Variants in ANPEP observed in about 807,000 individuals in gnomAD.
ANPEP encodes aminopeptidase N.
Under a neutral mutation model 114.6 loss-of-function variants are expected in ANPEP, and 70 were observed. The ratio of observed to expected loss-of-function variants is 0.61; its 90% CI spans 0.50 to 0.75. The LOEUF (loss-of-function observed/expected upper bound fraction) is 0.75. Ranked by LOEUF, ANPEP falls within the 30% of genes least tolerant of loss-of-function variation. The probability of loss-of-function intolerance (pLI) is 0.00; values close to 1 mark genes in which losing one functional copy is unlikely to be tolerated. For missense variants in ANPEP, 1,184 were observed against 1,259.5 expected, an observed-to-expected ratio of 0.94 and a Z score of 0.91; for synonymous variants, 548 against 522.3, an observed-to-expected ratio of 1.05 and a Z score of -0.67.
At chr15:89,813,288 T>C (rs1173529485) in intron 1 of ANPEP, among the ~76,000 whole-genome samples, 1 of 152,192 alleles carries the variant, frequency 6.6e-6, no homozygotes, top group Non-Finnish European at 1.5e-5. Flanking sequence ...CCCCCATCTA[T>C]GTCCTCAGAA....
Position 89,785,111 on chromosome 15 carries a change from C to A in ANPEP, c.*238G>T. ...GCCCCAGGGCACTGGGCGACAGGTG[C>A]CATGCCAGGCCTAGGGCGGGGTTGG... On this transcript the variant is annotated 3_prime_UTR_variant, in exon 21 of 21. Coordinates refer to ENST00000300060, the MANE Select transcript of ANPEP (RefSeq NM_001150.3). 2.0e-6 allele frequency: 1 copy of A among 509,054 alleles called. No homozygotes were observed. Among genetic ancestry groups the A allele is most frequent in the South Asian group, 2.3e-5 (1 of 42,780 alleles). 31.5% of individuals were successfully genotyped at this position (509,054 alleles called of 1,614,324 possible). A position where few individuals can be genotyped will look rare whatever the true frequency, so the allele number is the denominator to read the frequency against.
rs267604377 is a variant in ANPEP at position 89,803,930 on chromosome 15, C to T, written c.1252G>A (p.Glu418Lys). 6.2e-7 allele frequency: 1 copy of T among 1,614,176 alleles called. No individual in the cohort carries two copies. The highest frequency in any genetic ancestry group is 1.7e-5 in the Admixed American group (1 of 60,032). The part of the protein sequence containing the change: ...WLNEGFASYV[E>K]YLGADYAEPT... ...TCCGCATAGTCAGCACCCAGGTACT[C>T]CACGTAGGAGGCGAAGCCCTCGTTC... is the stretch of plus-strand genomic sequence containing the variant. The change falls in exon 7 of 21, where the codon GAG (glutamate) becomes AAG (lysine). Residue 418 changes from glutamate (E) to lysine (K), a missense_variant. Glu to Lys is a moderately conservative substitution (Grantham distance 56, BLOSUM62 1). Transcript: ENST00000300060. This position sits in a 1 kb window ranked among gnomAD's most constrained non-coding sequence, Gnocchi z 4.2.
At position 89,801,832 on chromosome 15, in the gene ANPEP, C is replaced by T. The variant is rs548139502; in HGVS notation, c.1570-225G>A. On this transcript the variant is annotated intron_variant, in intron 10 of 20. Transcript: ENST00000300060. Reference sequence around the variant, plus strand: ...AGAACTTCCCAGCAAATCTATGAGGCCCTCCATTCTGTGGTCCACCCTGAG... The same window carrying T: ...AGAACTTCCCAGCAAATCTATGAGGTCCTCCATTCTGTGGTCCACCCTGAG... 1.3e-3 allele frequency among the ~76,000 whole-genome samples: 203 copies of T among 152,316 alleles called. 1 individual carries two copies. Among genetic ancestry groups the T allele is most frequent in the African/African-American group, 4.7e-3 (197 of 41,560 alleles).
chr15:89,791,446 CT>C (rs1968623380), intron 18 of ANPEP, among the ~76,000 whole-genome samples: 1 of 151,884 alleles, frequency 6.6e-6, no homozygotes, highest in South Asian at 2.1e-4. Flanking sequence ...TTTCTCTTTT[CT>C]TTTCTTTCGA....
chr15:89,807,716 G>T (rs536449982), intron 1 of ANPEP, among the ~76,000 whole-genome samples: 1 of 151,990 alleles, frequency 6.6e-6, no homozygotes, highest in East Asian at 1.9e-4. Context: ...GAAAAAAATC[G>T]TTCCCTTCTT....
chr15:89,785,430 C>T lies in ANPEP; in HGVS notation c.2823G>A (p.Leu941=), dbSNP rs1567152256. 5 of 1,614,184 alleles carry T rather than the reference C, an allele frequency of 3.1e-6. No individual in the cohort carries two copies. Among genetic ancestry groups the T allele is most frequent in the Non-Finnish European group, 4.2e-6 (5 of 1,180,006 alleles). Reference sequence around the variant, plus strand: ...ACTTGATGTTGGCTTTCGTCTTCTCCAGGGCTTGCTCCAGGGCCCGGGTGC... The same window carrying T: ...ACTTGATGTTGGCTTTCGTCTTCTCTAGGGCTTGCTCCAGGGCCCGGGTGC... ...GSGTRALEQA[L]EKTKANIKWV... The change falls in exon 21 of 21, where the codon CTG becomes CTA. Residue 941 remains leucine, a synonymous_variant. Transcript: ENST00000300060.
chr15:89,802,005 G>C (rs1249668816), intron 10 of ANPEP, among the ~76,000 whole-genome samples: 1 of 152,080 alleles, frequency 6.6e-6, no homozygotes, highest in East Asian at 1.9e-4. Context: ...CCTGGGGGTC[G>C]CATGAGGGAA....
intron 1 of ANPEP, among the ~76,000 whole-genome samples, chr15:89,812,711 GATA>G (rs1344653018): frequency 6.6e-6 from 1 of 151,912 alleles, no homozygotes; most frequent in Non-Finnish European, 1.5e-5. Flanking sequence ...GCCCTACCAG[GATA>G]ATCACCCCCA....
In ANPEP at chr15:89,799,298, A is replaced by T; in HGVS notation, c.1971T>A (p.Asn657Lys). The T allele has an allele frequency of 6.2e-7, 1 of 1,614,156 alleles. No individual in the cohort carries two copies. The highest frequency in any genetic ancestry group is 8.5e-7 in the Non-Finnish European group (1 of 1,180,034). Reference sequence around the variant, plus strand: ...AGGCGTCATTAATGATCTGTGCCCGATTGATGACAGGGATGGCCTAGAATG... The same window carrying T: ...AGGCGTCATTAATGATCTGTGCCCGTTTGATGACAGGGATGGCCTAGAATG... ...QRDHSAIPVI[N>K]RAQIINDAFN... is the part of the protein sequence containing the mutation. Residue 657 changes from asparagine (N) to lysine (K), a missense_variant, in exon 14 of 21, where the codon AAT (asparagine) becomes AAA (lysine). Asn to Lys is a moderately conservative substitution (Grantham distance 94). Coordinates refer to ENST00000300060, the MANE Select transcript of ANPEP (RefSeq NM_001150.3). This position sits in a 1 kb window ranked among gnomAD's most constrained non-coding sequence, Gnocchi z 4.2.
chr15:89,785,848 G>A (rs1968498072), intron 20 of ANPEP, among the ~76,000 whole-genome samples: 1 of 152,054 alleles, frequency 6.6e-6, no homozygotes, highest in South Asian at 2.1e-4. Context: ...TGATCCAGTT[G>A]CTTCAGTAAA....
In ANPEP at chr15:89,792,148, G is replaced by C. The variant is rs8179197; in HGVS notation, c.2528+12C>G. 0.31 allele frequency: 502,884 copies of C among 1,610,704 alleles called. 79,937 individuals carry two copies. The highest frequency in any genetic ancestry group is 0.36 in the African/African-American group (26,720 of 74,930). On this transcript the variant is annotated intron_variant, in intron 18 of 20. Transcript: ENST00000300060. ...GAGGGCTCTCGCAGTCCCACCCTGC[G>C]CCAAGACTCACCTGTTCAGGATCCA...
intron 20 of ANPEP, among the ~76,000 whole-genome samples, chr15:89,787,358 G>GA (rs1396787964): frequency 6.6e-6 from 1 of 151,942 alleles, no homozygotes; most frequent in Admixed American, 6.6e-5. Context: ...AAAACTCTTA[G>GA]AAAAAACATC....
chr15:89,813,199 T>C (rs1313174717), intron 1 of ANPEP, among the ~76,000 whole-genome samples: 1 of 152,090 alleles, frequency 6.6e-6, no homozygotes, highest in African/African-American at 2.4e-5. Flanking sequence ...AGCCCCAGCA[T>C]AGGGTTCCAG....
chr15:89,814,505 C>A (rs959788465), intron 1 of ANPEP, among the ~76,000 whole-genome samples: 3 of 152,134 alleles, frequency 2.0e-5, no homozygotes, highest in Non-Finnish European at 4.4e-5. Context: ...CCCTGGGGCC[C>A]CCTCCCCAGA....
chr15:89,792,174 C>T lies in ANPEP; in HGVS notation c.2514G>A (p.Leu838=), dbSNP rs747757261. The T allele has an allele frequency of 6.2e-7, 1 of 1,614,100 alleles. No individual in the cohort carries two copies. Among genetic ancestry groups the T allele is most frequent in the South Asian group, 1.1e-5 (1 of 91,074 alleles). ...CCAAGACTCACCTGTTCAGGATCCA[C>T]AACTCTTTGCTGCAGGCCAGGGCTG... The part of the protein sequence containing the change: ...LRAALACSKE[L]WILNRYLSYT... Residue 838 remains leucine, a synonymous_variant, in exon 18 of 21, where the codon TTG becomes TTA. Transcript: ENST00000300060.
intron 14 of ANPEP, among the ~76,000 whole-genome samples, chr15:89,798,938 C>T (rs1894528809): frequency 8.8e-6 from 1 of 113,756 alleles, no homozygotes; most frequent in African/African-American, 3.0e-5. Context: ...GACTCCGTCT[C>T]AAAACAAACA....
intron 1 of ANPEP, among the ~76,000 whole-genome samples, chr15:89,810,443 C>T (rs1004583461): frequency 3.3e-5 from 5 of 151,920 alleles, no homozygotes; most frequent in East Asian, 1.9e-4. Context: ...TGGTGGCGCA[C>T]GCCTGTAGTC....
chr15:89,792,371 G>A (rs1322013389), intron 17 of ANPEP, 44 bp from the exon 18 acceptor site: 1 of 1,612,776 alleles, frequency 6.2e-7, no homozygotes. Context: ...GCAGCGGGGA[G>A]GGTGGGACAG....
chr15:89,792,474 T>A lies in ANPEP; in HGVS notation c.2338A>T (p.Met780Leu). Residue 780 changes from methionine to leucine, a missense_variant, in exon 17 of 21, where the codon ATG becomes TTG. Met to Leu is a conservative substitution (Grantham distance 15). Transcript: ENST00000300060. ...EMVSGLFKQW[M>L]ENPNNNPIHP... ...CACGGGTTATTATTGGGGTTCTCCATCCACTGCTTGAAAAGGCCAGAGACC... is the reference window on the plus strand; with the variant it reads ...CACGGGTTATTATTGGGGTTCTCCAACCACTGCTTGAAAAGGCCAGAGACC... The A allele has an allele frequency of 6.2e-7, 1 of 1,614,074 alleles. No homozygotes were observed. The highest frequency in any genetic ancestry group is 1.3e-5 in the African/African-American group (1 of 75,002).
Sources: allele counts gnomAD v4.1 joint callset (sites outside exome capture counted in the v4.1 genomes callset), GRCh38; gene constraint gnomAD v4.1.1; non-coding constraint Gnocchi (gnomAD v3.1); transcripts MANE v1.5; gene names NCBI Gene and HGNC (gene_info 2026-07-23, HGNC 2026-07-21).